The following C1orf198 variants were observed in gnomAD, a reference collection of about 807,000 sequenced individuals.
C1orf198 encodes the protein chromosome 1 open reading frame 198.
In C1orf198, 17 loss-of-function variants were observed where a neutral mutation model predicts 31.4. The ratio of observed to expected loss-of-function variants is 0.54; its 90% CI spans 0.37 to 0.81. The LOEUF is 0.81. Ranked by LOEUF, C1orf198 falls within the 40% of genes least tolerant of loss-of-function variation. The probability of loss-of-function intolerance (pLI) is 0.00; values close to 1 mark genes in which losing one functional copy is unlikely to be tolerated. For synonymous variants in C1orf198, 175 were observed against 193.8 expected (o/e 0.90, Z 0.81); for missense variants, 401 against 450.3 (o/e 0.89, Z 0.99).
chr1:230,868,165 C>A lies in C1orf198; in HGVS notation c.333+15G>T. ...CCGGGAGGGGAAGAGGGTCCGCGGC[C>A]AGGCCCGCACCTACCTCGTCCCCGA... On this transcript the variant is annotated intron_variant, in intron 1 of 3. Transcript: ENST00000366663. 7.0e-7 allele frequency: 1 copy of A among 1,438,090 alleles called. No homozygotes were observed. 89.1% of individuals were successfully genotyped at this position (1,438,090 alleles called of 1,614,324 possible).
At chr1:230,860,077 G>A (rs1157777708) in intron 1 of C1orf198, among the ~76,000 whole-genome samples, 1 of 152,116 alleles carries the variant, frequency 6.6e-6, no homozygotes, top group Non-Finnish European at 1.5e-5. Context: ...TGAACCTGTT[G>A]TTAAATATCT....
At chr1:230,860,841 C>T (rs1317987290) in intron 1 of C1orf198, among the ~76,000 whole-genome samples, 1 of 152,130 alleles carries the variant, frequency 6.6e-6, no homozygotes, top group African/African-American at 2.4e-5. Context: ...GTACTAAATG[C>T]CTCGGACTAT....
chr1:230,856,877 G>A (rs1669886712), intron 1 of C1orf198, among the ~76,000 whole-genome samples: 1 of 152,172 alleles, frequency 6.6e-6, no homozygotes, highest in South Asian at 2.1e-4. Context: ...CACCGACTCT[G>A]CGCCCCTAAG....
chr1:230,859,791 T>C (rs914530337), intron 1 of C1orf198, among the ~76,000 whole-genome samples: 1 of 152,210 alleles, frequency 6.6e-6, no homozygotes, highest in Non-Finnish European at 1.5e-5. Context: ...GAAATGTTCA[T>C]TCAATTCAGT....
upstream of C1orf198, chr1:230,868,528 C>T: frequency 3.1e-6 from 4 of 1,279,464 alleles, no homozygotes; most frequent in Non-Finnish European, 4.0e-6. Flanking sequence ...GCCTGCCCGC[C>T]GCTCCCGGCC....
At chr1:230,852,335 GA>G (rs60188490) in intron 2 of C1orf198, among the ~76,000 whole-genome samples, 20,931 of 149,932 alleles carry the variant, frequency 0.14, 1,542 homozygotes, top group South Asian at 0.22. Context: ...ATATCTACTG[GA>G]AAAAAAAAAT....
At chr1:230,845,571 A>ACC (rs1355635813) in intron 2 of C1orf198, among the ~76,000 whole-genome samples, 3 of 150,974 alleles carry the variant, frequency 2.0e-5, no homozygotes, top group African/African-American at 7.3e-5. Context: ...AATCCCATCT[A>ACC]CTCAGGAAGG....
chr1:230,868,644 A>G (rs1401361504), upstream of C1orf198: 3 of 679,710 alleles, frequency 4.4e-6, no homozygotes, highest in Non-Finnish European at 5.6e-6. Flanking sequence ...CGGGTCTCCA[A>G]GCCAACCCAG....
chr1:230,841,093 C>T (rs1212448506), intron 3 of C1orf198, among the ~76,000 whole-genome samples: 1 of 152,146 alleles, frequency 6.6e-6, no homozygotes, highest in African/African-American at 2.4e-5. Context: ...CCCTCAGTGC[C>T]GAGTCTCAGA....
intron 2 of C1orf198, among the ~76,000 whole-genome samples, chr1:230,846,600 C>T (rs1424651600): frequency 1.3e-5 from 2 of 152,232 alleles, no homozygotes; most frequent in South Asian, 4.1e-4. Flanking sequence ...GAGATGAGAT[C>T]ACGAGGCCAT....
intron 1 of C1orf198, among the ~76,000 whole-genome samples, chr1:230,865,796 C>T (rs955231186): frequency 5.3e-5 from 8 of 152,216 alleles, no homozygotes; most frequent in African/African-American, 1.9e-4. Flanking sequence ...TCCTGCAATA[C>T]ACAAGAAATG....
At chr1:230,856,192 C>T (rs968649563) in intron 1 of C1orf198, 8 of 167,326 alleles carry the variant, frequency 4.8e-5, no homozygotes, top group Non-Finnish European at 8.6e-5. Flanking sequence ...GGGAAAAGAA[C>T]GCCAAGCCAT....
rs41314280 is a variant in C1orf198 at position 230,843,911 on chromosome 1, G to A, written c.385-15C>T. 0.19 allele frequency: 287,968 copies of A among 1,498,290 alleles called. 29,583 individuals carry two copies. Among genetic ancestry groups the A allele is most frequent in the East Asian group, 0.36 (15,755 of 43,750 alleles). The allele number at this position is 1,498,290 out of a possible 1,614,324, so 92.8% of individuals were successfully genotyped here. On this transcript the variant is annotated splice_polypyrimidine_tract_variant and intron_variant, in intron 2 of 3. Coordinates refer to ENST00000366663, the MANE Select transcript of C1orf198 (RefSeq NM_032800.3). This position sits in a 1 kb window ranked among gnomAD's most constrained non-coding sequence, Gnocchi z 4.9. ...TCCATCTGACTCTAGGGTGGGACAT[G>A]AGAAAGGACAGAAAAAAGAAAGAGA...
At chr1:230,844,757 G>A (rs921028919) in intron 2 of C1orf198, among the ~76,000 whole-genome samples, 2 of 152,190 alleles carry the variant, frequency 1.3e-5, no homozygotes, top group African/African-American at 4.8e-5. Flanking sequence ...CCCAGCCTCA[G>A]ATCACAAACA....
upstream of C1orf198, chr1:230,868,563 G>A (rs573073245): frequency 1.4e-3 from 1,378 of 1,002,488 alleles, 37 homozygotes; most frequent in Admixed American, 0.12. Context: ...CGCTGTGCCC[G>A]CCCTCGCCCC....
chr1:230,865,676 T>G (rs1410220141), intron 1 of C1orf198, among the ~76,000 whole-genome samples: 2 of 152,192 alleles, frequency 1.3e-5, no homozygotes, highest in African/African-American at 4.8e-5. Flanking sequence ...CACACACAGA[T>G]GCCACACCTG....
rs1209900 is a variant in C1orf198, at chr1:230,862,219, T to C, written c.333+5961A>G. Among the ~76,000 whole-genome samples, 742 of 152,324 alleles carry C rather than the reference T, an allele frequency of 4.9e-3. 9 individuals carry two copies. The highest frequency in any genetic ancestry group is 0.016 in the African/African-American group (658 of 41,576). On this transcript the variant is annotated intron_variant, in intron 1 of 3. Transcript: ENST00000366663. ...AATTACCGAGTGACAACACTGGTTG[T>C]TGTCACTGATAATGACAGCACCCTG... is the stretch of plus-strand genomic sequence containing the variant.
chr1:230,850,312 T>C (rs1669706921), intron 2 of C1orf198, among the ~76,000 whole-genome samples: 1 of 152,224 alleles, frequency 6.6e-6, no homozygotes, highest in South Asian at 2.1e-4. Flanking sequence ...AGTTTCCTCA[T>C]CTGTAAGGTG....
Position 230,852,971 on chromosome 1 carries a change from C to T in C1orf198, c.384+2697G>A, listed in dbSNP as rs149863973. On this transcript the variant is annotated intron_variant, in intron 2 of 3. Coordinates refer to ENST00000366663, the MANE Select transcript of C1orf198 (RefSeq NM_032800.3). ...CTTCAAAAGAGTCCTCGTAGGCTTC[C>T]GTTCCCGCACACGGATCTCTCCACC... Among the ~76,000 whole-genome samples the T allele has an allele frequency of 1.9e-3, 283 of 152,294 alleles. 3 individuals carry two copies. The highest frequency in any genetic ancestry group is 3.0e-3 in the Non-Finnish European group (204 of 68,026).
Sources: gnomAD v4.1 joint callset for allele counts (sites outside exome capture counted in the v4.1 genomes callset) on GRCh38, gnomAD v4.1.1 for gene constraint, Gnocchi (gnomAD v3.1) non-coding constraint, MANE v1.5 for transcripts, NCBI Gene and HGNC (gene_info 2026-07-23, HGNC 2026-07-21) for gene names.